KLHL32: variants seen among roughly 807,000 people sequenced by gnomAD.
KLHL32 encodes the protein kelch-like protein 32.
KLHL32 carries 35 observed loss-of-function variants against 64.8 expected under a neutral mutation model. That is an observed-to-expected ratio of 0.54 (90% CI 0.41 to 0.72). The LOEUF (loss-of-function observed/expected upper bound fraction) is 0.72, where lower values mean the gene tolerates loss of function less well. Among genes scored for constraint, KLHL32 ranks in the 30% least tolerant of loss-of-function variants. The probability of loss-of-function intolerance (pLI) is 0.00; values close to 1 mark genes in which losing one functional copy is unlikely to be tolerated. For missense variants in KLHL32, 589 were observed against 768.5 expected (o/e 0.77, Z 2.76); for synonymous variants, 259 against 281.0 (o/e 0.92, Z 0.78).
intron 1 of KLHL32, among the ~76,000 whole-genome samples, chr6:96,928,714 G>A (rs942713400): frequency 6.6e-6 from 1 of 151,996 alleles, no homozygotes; most frequent in African/African-American, 2.4e-5. Context: ...AAGCATACAC[G>A]TTTTATATGA....
At chr6:96,989,117 G>T (rs537942685) in intron 3 of KLHL32, among the ~76,000 whole-genome samples, 1 of 152,270 alleles carries the variant, frequency 6.6e-6, no homozygotes, top group Non-Finnish European at 1.5e-5. Context: ...AAAAAATATT[G>T]ACATGTGTGG....
At chr6:97,018,559 C>T (rs1434318796) in intron 3 of KLHL32, among the ~76,000 whole-genome samples, 6 of 151,126 alleles carry the variant, frequency 4.0e-5, no homozygotes, top group Admixed American at 1.3e-4. Context: ...CGAGATCACA[C>T]CACTGTGCTC....
In KLHL32 at chr6:96,924,798, C is replaced by G. The variant is rs1768930042; in HGVS notation, c.-294C>G. On this transcript the variant is annotated 5_prime_UTR_variant, in exon 1 of 11. Coordinates refer to ENST00000369261, the MANE Select transcript of KLHL32 (RefSeq NM_052904.4). ...AGGCAGTCGCGCGCACACACGCACG[C>G]AGGCACACACACACACACACACACA... The G allele has an allele frequency of 1.1e-5, 1 of 94,008 alleles. No individual in the cohort carries two copies. Among genetic ancestry groups the G allele is most frequent in the Non-Finnish European group, 2.0e-5 (1 of 49,046 alleles). 5.8% of individuals were successfully genotyped at this position (94,008 alleles called of 1,614,324 possible).
At chr6:96,913,595 C>T in the KLHL32 span, among the ~76,000 whole-genome samples, 1 of 152,216 alleles carries the variant, frequency 6.6e-6, no homozygotes, top group Non-Finnish European at 1.5e-5. Context: ...CAGCACACTG[C>T]AGTCTAGATG....
intron 8 of KLHL32, among the ~76,000 whole-genome samples, chr6:97,128,341 AGATTTCAGAGACCAAATGT>A (rs1799085094): frequency 6.6e-6 from 1 of 152,210 alleles, no homozygotes; most frequent in Non-Finnish European, 1.5e-5. Context: ...TAGAAGCTGT[AGATTTCAGAGACCAAATGT>A]CCATGGGTCA....
At chr6:97,017,833 C>T (rs918867303) in intron 3 of KLHL32, among the ~76,000 whole-genome samples, 1 of 152,088 alleles carries the variant, frequency 6.6e-6, no homozygotes, top group African/African-American at 2.4e-5. Flanking sequence ...CTCTCTTTCT[C>T]ATCTACAAGC....
intron 7 of KLHL32, among the ~76,000 whole-genome samples, chr6:97,119,223 A>G (rs566962283): frequency 6.6e-6 from 1 of 152,122 alleles, no homozygotes; most frequent in Middle Eastern, 3.2e-3. Context: ...CACATCACGC[A>G]CAGTGGCACT....
chr6:97,100,936 G>A (rs1795630412), intron 6 of KLHL32, among the ~76,000 whole-genome samples: 2 of 143,826 alleles, frequency 1.4e-5, no homozygotes, highest in Non-Finnish European at 3.0e-5. Flanking sequence ...CCAAGTAGCT[G>A]GACCACAGGC....
intron 4 of KLHL32, among the ~76,000 whole-genome samples, chr6:97,046,427 T>C (rs1453310547): frequency 6.6e-6 from 1 of 152,156 alleles, no homozygotes; most frequent in East Asian, 1.9e-4. Flanking sequence ...TATACTTTGT[T>C]GAAGGAGGCA....
At chr6:97,068,118 A>G (rs889868976) in intron 5 of KLHL32, among the ~76,000 whole-genome samples, 1 of 152,190 alleles carries the variant, frequency 6.6e-6, no homozygotes, top group Non-Finnish European at 1.5e-5. Context: ...ATCTCCTGCA[A>G]GTGATGCATC....
At chr6:97,015,814 G>A (rs1272006531) in intron 3 of KLHL32, among the ~76,000 whole-genome samples, 1 of 152,190 alleles carries the variant, frequency 6.6e-6, no homozygotes, top group African/African-American at 2.4e-5. Flanking sequence ...GGAGGCCTAG[G>A]AGGAAAATAT....
At chr6:96,986,308 A>G (rs1338257532) in intron 3 of KLHL32, among the ~76,000 whole-genome samples, 1 of 151,962 alleles carries the variant, frequency 6.6e-6, no homozygotes, top group Admixed American at 6.6e-5. Context: ...CAGTTAGGCT[A>G]CTCAGGGGTC....
chr6:97,014,683 G>A (rs1780897534), intron 3 of KLHL32, among the ~76,000 whole-genome samples: 1 of 152,126 alleles, frequency 6.6e-6, no homozygotes, highest in Non-Finnish European at 1.5e-5. Flanking sequence ...TTCATTTTGT[G>A]TTCATGAAAA....
chr6:97,037,408 ATT>A (rs1409907614), intron 3 of KLHL32, among the ~76,000 whole-genome samples: 1 of 151,972 alleles, frequency 6.6e-6, no homozygotes, highest in Non-Finnish European at 1.5e-5. Flanking sequence ...AAAAAATAAC[ATT>A]TGTTAAAATA....
intron 3 of KLHL32, among the ~76,000 whole-genome samples, chr6:97,038,969 A>C (rs1784696630): frequency 6.6e-6 from 1 of 151,774 alleles, no homozygotes; most frequent in Non-Finnish European, 1.5e-5. Flanking sequence ...ACGTGCCTGT[A>C]GCCCCAGCTA....
chr6:97,072,930 C>T (rs1304705025), intron 5 of KLHL32, among the ~76,000 whole-genome samples: 3 of 152,136 alleles, frequency 2.0e-5, no homozygotes, highest in Non-Finnish European at 4.4e-5. Context: ...AACCTCTTTG[C>T]CCCCCAACTC....
chr6:97,051,698 C>T (rs1033194574), intron 4 of KLHL32, among the ~76,000 whole-genome samples: 21 of 152,166 alleles, frequency 1.4e-4, no homozygotes, highest in African/African-American at 4.6e-4. Flanking sequence ...AAAGAAATTT[C>T]GATCCTTCCT....
At chr6:96,901,587 G>A in the KLHL32 span, among the ~76,000 whole-genome samples, 1 of 152,186 alleles carries the variant, frequency 6.6e-6, no homozygotes, top group Non-Finnish European at 1.5e-5. Context: ...TGCAGGTTCA[G>A]GGATTAAGAG....
At chr6:96,978,559 G>A (rs1232016639) in intron 3 of KLHL32, among the ~76,000 whole-genome samples, 1 of 152,152 alleles carries the variant, frequency 6.6e-6, no homozygotes, top group African/African-American at 2.4e-5. Context: ...GGTCATTTAA[G>A]TTGATTCCAT....
Sources: allele counts gnomAD v4.1 joint callset (sites outside exome capture counted in the v4.1 genomes callset), GRCh38; gene constraint gnomAD v4.1.1; transcripts MANE v1.5; gene names NCBI Gene and HGNC (gene_info 2026-07-23, HGNC 2026-07-21).